Variants in HIPK3 observed in about 807,000 individuals in gnomAD.
The protein encoded by HIPK3 is homeodomain-interacting protein kinase 3.
HIPK3 carries 47 observed loss-of-function variants against 124.2 expected under a neutral mutation model. That is an observed-to-expected ratio of 0.38 (90% CI 0.30 to 0.48). The LOEUF (loss-of-function observed/expected upper bound fraction) is 0.48, where lower values mean the gene tolerates loss of function less well. Among genes scored for constraint, HIPK3 ranks in the 20% least tolerant of loss-of-function variants. The pLI is 0.98. For missense variants in HIPK3, 1,286 were observed against 1,454.3 expected, an observed-to-expected ratio of 0.88 and a Z score of 1.88; for synonymous variants, 482 against 515.2, an observed-to-expected ratio of 0.94 and a Z score of 0.87.
At chr11:33,304,919 T>C (rs1852110497) in intron 2 of HIPK3, among the ~76,000 whole-genome samples, 1 of 152,254 alleles carries the variant, frequency 6.6e-6, no homozygotes. Flanking sequence ...GTGAAAATGC[T>C]CTTTTCTTCA....
chr11:33,282,560 G>A (rs548812119), intron 1 of HIPK3, among the ~76,000 whole-genome samples: 16 of 152,172 alleles, frequency 1.1e-4, no homozygotes, highest in African/African-American at 3.6e-4. Flanking sequence ...GCAGGTGCCT[G>A]TAATCCCAGC....
At chr11:33,343,895 TGTGA>T (rs1853417723) in intron 8 of HIPK3, among the ~76,000 whole-genome samples, 1 of 152,214 alleles carries the variant, frequency 6.6e-6, no homozygotes, top group Non-Finnish European at 1.5e-5. Context: ...AGTGGTGGTC[TGTGA>T]GTATCTGTAA....
chr11:33,276,995 A>G (rs940324124), intron 1 of HIPK3, among the ~76,000 whole-genome samples: 7 of 152,304 alleles, frequency 4.6e-5, no homozygotes, highest in African/African-American at 1.2e-4. Flanking sequence ...GTGAATCACC[A>G]TGCCAGGGCT....
intron 2 of HIPK3, among the ~76,000 whole-genome samples, chr11:33,314,637 C>T (rs1359243096): frequency 6.6e-6 from 1 of 152,084 alleles, no homozygotes. Context: ...GCCTGGGTGA[C>T]AGAGAGAGAC....
At position 33,287,467 on chromosome 11, in the gene HIPK3, A is replaced by G. The variant is rs778775336; in HGVS notation, c.1053A>G (p.Val351=). ...KVIDFGSASH[V]SKTVCSTYLQ... ...TAGACTTTGGGTCGGCCAGTCATGTATCAAAGACTGTTTGTTCAACATATC... is the reference window on the plus strand; with the variant it reads ...TAGACTTTGGGTCGGCCAGTCATGTGTCAAAGACTGTTTGTTCAACATATC... The change falls in exon 2 of 17, where the codon GTA becomes GTG. Residue 351 remains valine, a synonymous_variant. Transcript: ENST00000303296. 6.8e-6 allele frequency: 11 copies of G among 1,613,888 alleles called. No individual in the cohort carries two copies. In the South Asian group the frequency reaches 1.1e-4, roughly 16 times the overall value.
At chr11:33,300,829 G>A (rs9630170) in intron 2 of HIPK3, among the ~76,000 whole-genome samples, 99,644 of 151,888 alleles carry the variant, frequency 0.66, 32,904 homozygotes, top group Non-Finnish European at 0.7. Context: ...CCACCCCGCC[G>A]GGCTCATATG....
Position 33,351,836 on chromosome 11 carries a change from AAAC to A in HIPK3, c.3038_3040del (p.Asn1013del). ...GCTTAAATGCCGATGAGCATATGGC[AAAC>A]ACAGGTAAGTTGAGTCCTCCCATTT... On this transcript the variant is annotated inframe_deletion, in exon 15 of 17. Coordinates refer to ENST00000303296, the MANE Select transcript of HIPK3 (RefSeq NM_005734.5). 2.5e-6 allele frequency: 4 copies of A among 1,611,600 alleles called. No homozygotes were observed. Among genetic ancestry groups the A allele is most frequent in the Non-Finnish European group, 3.4e-6 (4 of 1,177,908 alleles).
At chr11:33,283,134 G>A (rs540808160) in intron 1 of HIPK3, among the ~76,000 whole-genome samples, 1 of 149,470 alleles carries the variant, frequency 6.7e-6, no homozygotes, top group Non-Finnish European at 1.5e-5. Flanking sequence ...TTTTTGAGAC[G>A]GAGTCTCCCT....
At chr11:33,341,945 C>A (rs547515797) in intron 8 of HIPK3, among the ~76,000 whole-genome samples, 1 of 151,582 alleles carries the variant, frequency 6.6e-6, no homozygotes, top group East Asian at 1.9e-4. Context: ...CCTAAAAATA[C>A]AAAAAATTAG....
At chr11:33,281,133 G>C (rs1268696142) in intron 1 of HIPK3, among the ~76,000 whole-genome samples, 1 of 141,132 alleles carries the variant, frequency 7.1e-6, no homozygotes, top group Non-Finnish European at 1.5e-5. Context: ...GCAGTGGCAC[G>C]ATCTTGGCTC....
Position 33,347,722 on chromosome 11 carries a change from G to C in HIPK3, c.2113G>C (p.Val705Leu). 1 of 1,614,192 alleles carries C rather than the reference G, an allele frequency of 6.2e-7. No homozygotes were observed. The highest frequency in any genetic ancestry group is 8.5e-7 in the Non-Finnish European group (1 of 1,180,022). ...TACTACTACACTAACTTCTGAGAGT[G>C]TGGCTGGTTCACACAGGCTTGGAGA... ...PATTTLTSES[V>L]AGSHRLGDWG... The change falls in exon 10 of 17, where the codon GTG becomes CTG. Residue 705 changes from valine (V) to leucine (L), a missense_variant. Coordinates refer to ENST00000303296, the MANE Select transcript of HIPK3 (RefSeq NM_005734.5).
chr11:33,326,284 T>C (rs1852808826), intron 2 of HIPK3, among the ~76,000 whole-genome samples: 1 of 152,186 alleles, frequency 6.6e-6, no homozygotes, highest in African/African-American at 2.4e-5. Context: ...TCTGATTTAA[T>C]TGGTGTAGGG....
At chr11:33,258,718 T>TA in intron 1 of HIPK3, 1 of 985,334 alleles carries the variant, frequency 1.0e-6, no homozygotes, top group Non-Finnish European at 1.2e-6. Flanking sequence ...AATCCTGTTG[T>TA]TCCCGTCTCA....
intron 16 of HIPK3, among the ~76,000 whole-genome samples, 195 bp from the exon 17 acceptor site, chr11:33,352,897 A>G (rs1853707466): frequency 6.6e-6 from 1 of 152,088 alleles, no homozygotes; most frequent in Non-Finnish European, 1.5e-5. Flanking sequence ...GTAGTAATAA[A>G]TACTAAAATG....
intron 1 of HIPK3, among the ~76,000 whole-genome samples, chr11:33,268,055 AC>A (rs1851018171): frequency 6.6e-6 from 1 of 151,866 alleles, no homozygotes; most frequent in Non-Finnish European, 1.5e-5. Flanking sequence ...TACTAAAAAT[AC>A]AAAAATCAGA....
At position 33,347,245 on chromosome 11, in the gene HIPK3, A is replaced by G. The variant is rs1357226204; in HGVS notation, c.1898-48A>G. ...CATTTAAAATAATTGTATAAGTTAA[A>G]TAAGAGGAAGATTTTTTCTTTTATT... On this transcript the variant is annotated intron_variant, in intron 8 of 16. Coordinates refer to ENST00000303296, the MANE Select transcript of HIPK3 (RefSeq NM_005734.5). 3 of 1,540,486 alleles carry G rather than the reference A, an allele frequency of 1.9e-6. No individual in the cohort carries two copies. In the East Asian group the frequency reaches 6.9e-5, roughly 35 times the overall value.
chr11:33,351,484 G>C, intron 14 of HIPK3, 124 bp from the exon 15 acceptor site: 2 of 662,120 alleles, frequency 3.0e-6, no homozygotes, highest in Non-Finnish European at 5.2e-6. Flanking sequence ...AAGGAAAAAG[G>C]TGTAATTATA....
At chr11:33,325,787 A>G (rs1158452427) in intron 2 of HIPK3, among the ~76,000 whole-genome samples, 1 of 152,212 alleles carries the variant, frequency 6.6e-6, no homozygotes, top group African/African-American at 2.4e-5. Context: ...TTTTTGGTAC[A>G]ATATTGTGAA....
chr11:33,328,445 C>G, intron 2 of HIPK3, 65 bp from the exon 3 acceptor site: 4 of 1,488,992 alleles, frequency 2.7e-6, no homozygotes, highest in Non-Finnish European at 2.8e-6. Context: ...TCCTAGAATG[C>G]CAGTTGAAAT....
Sources: gnomAD v4.1 joint callset for allele counts (sites outside exome capture counted in the v4.1 genomes callset) on GRCh38, gnomAD v4.1.1 for gene constraint, MANE v1.5 for transcripts, NCBI Gene and HGNC (gene_info 2026-07-23, HGNC 2026-07-21) for gene names.